Variants in SNTB1 observed in about 807,000 individuals in gnomAD.
SNTB1 encodes syntrophin beta 1.
Under a neutral mutation model 48.9 loss-of-function variants are expected in SNTB1, and 36 were observed. That is an observed-to-expected ratio of 0.74 (90% CI 0.56 to 0.97). The LOEUF (loss-of-function observed/expected upper bound fraction) is 0.97. SNTB1 is among the 50% of genes least tolerant of loss of function. The pLI, the probability that SNTB1 is intolerant of heterozygous loss-of-function variation, is 0.00. For missense variants in SNTB1, 786 were observed against 703.4 expected (o/e 1.12, Z -1.33); for synonymous variants, 299 against 294.6 (o/e 1.01, Z -0.15).
At position 120,811,782 on chromosome 8, in the gene SNTB1, T is replaced by G. The variant is rs761326078; in HGVS notation, c.62A>C (p.Gln21Pro). 6.8e-7 allele frequency: 1 copy of G among 1,476,814 alleles called. No individual in the cohort carries two copies. The highest frequency in any genetic ancestry group is 9.0e-7 in the Non-Finnish European group (1 of 1,115,978). 91.5% of individuals were successfully genotyped at this position (1,476,814 alleles called of 1,614,324 possible). A position where few individuals can be genotyped will look rare whatever the true frequency, so the allele number is the denominator to read the frequency against. ...GPAGAGGGRA[Q>P]RSGLLEVLVR... ...CAAAACTTCCAGCAGCCCGCTCCGC[T>G]GCGCCCGGCCGCCTCCCGCGCCAGC... The change falls in exon 1 of 7, where the codon CAG (glutamine) becomes CCG (proline). Residue 21 changes from glutamine (Q) to proline (P), a missense_variant. Physicochemically the swap from Gln to Pro is moderately conservative, Grantham distance 76. Coordinates refer to ENST00000517992, the MANE Select transcript of SNTB1 (RefSeq NM_021021.4).
chr8:120,550,124 T>C (rs1815454682), intron 4 of SNTB1, among the ~76,000 whole-genome samples: 1 of 152,236 alleles, frequency 6.6e-6, no homozygotes, highest in Admixed American at 6.5e-5. Context: ...GGCAACAAGC[T>C]TGTTGTATAA....
At chr8:120,759,920 A>G (rs984900972) in intron 1 of SNTB1, among the ~76,000 whole-genome samples, 2 of 152,134 alleles carry the variant, frequency 1.3e-5, no homozygotes, top group Admixed American at 6.6e-5. Flanking sequence ...AAGGGATTCA[A>G]ACTTAACCAG....
chr8:120,578,452 T>C (rs1265435633), intron 3 of SNTB1, among the ~76,000 whole-genome samples: 1 of 152,328 alleles, frequency 6.6e-6, no homozygotes, highest in African/African-American at 2.4e-5. Context: ...GGTATTCTGA[T>C]ATGAATACGA....
At position 120,620,086 on chromosome 8, in the gene SNTB1, GTGTGCACACA is replaced by G. The variant is rs756462484; in HGVS notation, c.996+12348_996+12357del. Among the ~76,000 whole-genome samples the G allele has an allele frequency of 1.0e-3, 155 of 152,208 alleles. 1 individual carries two copies. The highest frequency in any genetic ancestry group is 2.0e-3 in the Non-Finnish European group (133 of 68,012). The stretch of plus-strand genomic sequence containing the variant: ...GCACTTAATAGAAGAAAGTGTGTGT[GTGTGCACACA>G]CACACATATAGTAGCATTCACAAAT... On this transcript the variant is annotated intron_variant, in intron 3 of 6. Transcript: ENST00000517992.
rs115587304 is a variant in SNTB1, at chr8:120,728,060, C to T, written c.572-34152G>A. On this transcript the variant is annotated intron_variant, in intron 1 of 6. Transcript: ENST00000517992. ...TTTTTTCCTGAGATAGGGTCTTGCTCTGTCGCTCAGCCTGGAGTGCAGTGG... is the reference window on the plus strand; with the variant it reads ...TTTTTTCCTGAGATAGGGTCTTGCTTTGTCGCTCAGCCTGGAGTGCAGTGG... Among the ~76,000 whole-genome samples, 544 of 152,210 alleles carry T rather than the reference C, an allele frequency of 3.6e-3. 4 individuals carry two copies. The highest frequency in any genetic ancestry group is 0.013 in the African/African-American group (522 of 41,534).
intron 2 of SNTB1, among the ~76,000 whole-genome samples, chr8:120,681,372 G>A (rs951782361): frequency 6.6e-6 from 1 of 152,160 alleles, no homozygotes; most frequent in Non-Finnish European, 1.5e-5. Flanking sequence ...CGATGGAGCT[G>A]GGTTACTGAC....
intron 4 of SNTB1, among the ~76,000 whole-genome samples, chr8:120,569,854 T>C (rs1815813732): frequency 6.6e-6 from 1 of 152,228 alleles, no homozygotes; most frequent in African/African-American, 2.4e-5. Context: ...AGTAGCCACA[T>C]CTGGCTAGTG....
At position 120,700,156 on chromosome 8, in the gene SNTB1, C is replaced by CGTGTGTGTGTGT. The variant is rs58077307; in HGVS notation, c.572-6260_572-6249dup. ...TGATTCTCGCTCTGAAAAAAAATTG[C>CGTGTGTGTGTGT]GTGTGTGTGTGTGTGTGTGTGTTTG... On this transcript the variant is annotated intron_variant, in intron 1 of 6. Coordinates refer to ENST00000517992, the MANE Select transcript of SNTB1 (RefSeq NM_021021.4). Among the ~76,000 whole-genome samples, 388 of 149,276 alleles carry CGTGTGTGTGTGT rather than the reference C, an allele frequency of 2.6e-3. 2 individuals carry two copies. Among genetic ancestry groups the CGTGTGTGTGTGT allele is most frequent in the South Asian group, 5.1e-3 (24 of 4,712 alleles).
At chr8:120,577,860 G>A (rs894131917) in intron 3 of SNTB1, among the ~76,000 whole-genome samples, 8 of 152,214 alleles carry the variant, frequency 5.3e-5, no homozygotes, top group African/African-American at 1.7e-4. Context: ...ATTGAAGAGC[G>A]CTGTGTGGAT....
chr8:120,581,088 CAAAAA>C (rs775547135), intron 3 of SNTB1, among the ~76,000 whole-genome samples: 94 of 89,982 alleles, frequency 1.0e-3, no homozygotes, highest in Middle Eastern at 5.1e-3. Flanking sequence ...GACCCTGTCT[CAAAAA>C]AAAAAAAAAA....
chr8:120,619,605 C>G (rs1816763214), intron 3 of SNTB1, among the ~76,000 whole-genome samples: 1 of 152,174 alleles, frequency 6.6e-6, no homozygotes, highest in Non-Finnish European at 1.5e-5. Context: ...TTTGTCAGCA[C>G]TATTGTTAAG....
intron 1 of SNTB1, among the ~76,000 whole-genome samples, chr8:120,801,906 AT>A (rs1468445760): frequency 2.0e-5 from 3 of 152,124 alleles, no homozygotes; most frequent in Non-Finnish European, 4.4e-5. Flanking sequence ...CTAGGACCAA[AT>A]TCGAGACCTG....
chr8:120,627,008 G>T (rs1338742287), intron 3 of SNTB1, among the ~76,000 whole-genome samples: 1 of 152,190 alleles, frequency 6.6e-6, no homozygotes, highest in Non-Finnish European at 1.5e-5. Flanking sequence ...CCATTCTTGT[G>T]AAGTGTCATA....
At chr8:120,723,935 A>G (rs2129957148) in intron 1 of SNTB1, among the ~76,000 whole-genome samples, 1 of 152,346 alleles carries the variant, frequency 6.6e-6, no homozygotes, top group Non-Finnish European at 1.5e-5. Context: ...GATGAATTAT[A>G]CTACATCCCA....
chr8:120,603,806 C>A (rs1237141447), intron 3 of SNTB1, among the ~76,000 whole-genome samples: 1 of 152,178 alleles, frequency 6.6e-6, no homozygotes, highest in Admixed American at 6.5e-5. Flanking sequence ...ATATTCAGTT[C>A]ATGATCAATT....
intron 1 of SNTB1, among the ~76,000 whole-genome samples, chr8:120,720,756 A>G (rs374929105): frequency 1.3e-5 from 2 of 152,204 alleles, no homozygotes; most frequent in South Asian, 2.1e-4. Flanking sequence ...CTAATCAGAA[A>G]ATGATGCTGC....
At chr8:120,735,837 G>C (rs554534641) in intron 1 of SNTB1, among the ~76,000 whole-genome samples, 5 of 152,206 alleles carry the variant, frequency 3.3e-5, no homozygotes, top group Non-Finnish European at 7.3e-5. Flanking sequence ...GAACAGGCAG[G>C]AGGCAGGAAG....
At position 120,811,644 on chromosome 8, in the gene SNTB1, G is replaced by A. The variant is rs1332069586; in HGVS notation, c.200C>T (p.Ser67Leu). The change falls in exon 1 of 7, where the codon TCG becomes TTG. Residue 67 changes from serine to leucine, a missense_variant. Transcript: ENST00000517992. Reference sequence around the variant, plus strand: ...CCCAGCCCCGGCGCCCCTGCAGAACGAGCCATTGGTGGCGGTCCCGATGCC... The same window carrying A: ...CCCAGCCCCGGCGCCCCTGCAGAACAAGCCATTGGTGGCGGTCCCGATGCC... The part of the protein sequence containing the change: ...YNGIGTATNG[S>L]FCRGAGAGHP... The A allele has an allele frequency of 1.3e-6, 2 of 1,594,100 alleles. No individual in the cohort carries two copies. Among genetic ancestry groups the A allele is most frequent in the East Asian group, 2.3e-5 (1 of 42,680 alleles).
intron 5 of SNTB1, among the ~76,000 whole-genome samples, chr8:120,548,146 C>T (rs2130651087): frequency 6.6e-6 from 1 of 152,198 alleles, no homozygotes; most frequent in African/African-American, 2.4e-5. Flanking sequence ...TCCTCTCTAT[C>T]TCTCTCCCCT....
Sources: gnomAD v4.1 joint callset for allele counts (sites outside exome capture counted in the v4.1 genomes callset) on GRCh38, gnomAD v4.1.1 for gene constraint, MANE v1.5 for transcripts, NCBI Gene and HGNC (gene_info 2026-07-23, HGNC 2026-07-21) for gene names.